PLD1: variants seen among roughly 807,000 people sequenced by gnomAD.
PLD1 encodes the protein phospholipase D1, also known as choline phosphatase 1.
In PLD1, 112 loss-of-function variants were observed where a neutral mutation model predicts 137.1. The observed-to-expected ratio is 0.82, with a 90% CI of 0.70 to 0.96. PLD1 has a LOEUF of 0.96. PLD1 is among the 40% of genes least tolerant of loss of function. The probability of loss-of-function intolerance (pLI) is 0.00; values close to 1 mark genes in which losing one functional copy is unlikely to be tolerated. For synonymous variants in PLD1, 431 were observed against 454.7 expected (o/e 0.95, Z 0.66); for missense variants, 1,321 against 1,342.0 (o/e 0.98, Z 0.24).
intron 8 of PLD1, 56 bp downstream of exon 8, chr3:171,724,640 G>C (rs1718366203): frequency 1.0e-6 from 1 of 972,670 alleles, no homozygotes; most frequent in Non-Finnish European, 1.7e-6. Flanking sequence ...TGTAAAACTA[G>C]CCCAAATACC....
At chr3:171,621,198 A>G (rs1733606804) in intron 23 of PLD1, among the ~76,000 whole-genome samples, 1 of 152,180 alleles carries the variant, frequency 6.6e-6, no homozygotes, top group Non-Finnish European at 1.5e-5. Context: ...GTACTTCAAA[A>G]TATTGCCATC....
chr3:171,729,691 T>G (rs559204181), intron 6 of PLD1, among the ~76,000 whole-genome samples: 39 of 152,342 alleles, frequency 2.6e-4, no homozygotes, highest in African/African-American at 8.7e-4. Flanking sequence ...GGCAAAGGCC[T>G]AAAGTCCTTC....
intron 1 of PLD1, among the ~76,000 whole-genome samples, chr3:171,790,902 T>C (rs2108350599): frequency 1.3e-5 from 2 of 152,332 alleles, no homozygotes; most frequent in Middle Eastern, 6.8e-3. Context: ...CTAACTGATA[T>C]AAGAATTGTT....
chr3:171,699,660 G>C (rs992983267), intron 12 of PLD1, 85 bp downstream of exon 12: 6 of 922,700 alleles, frequency 6.5e-6, no homozygotes, highest in Non-Finnish European at 8.7e-6. Flanking sequence ...AAAGTTATAC[G>C]TGTGAAAGGC....
rs143146948 is a variant in PLD1, at chr3:171,807,171, T to C, written c.-32+3228A>G. On this transcript the variant is annotated intron_variant, in intron 1 of 26. Transcript: ENST00000351298. Reference sequence around the variant, plus strand: ...AAATACAAACAAAACTGGCCAAGGATGGTGATGCGCACCTCTAGTTCCAGC... The same window carrying C: ...AAATACAAACAAAACTGGCCAAGGACGGTGATGCGCACCTCTAGTTCCAGC... 4.8e-3 allele frequency among the ~76,000 whole-genome samples: 726 copies of C among 152,172 alleles called. 6 individuals carry two copies. The highest frequency in any genetic ancestry group is 0.016 in the African/African-American group (671 of 41,508).
At chr3:171,674,993 A>AAG (rs1173767783) in intron 18 of PLD1, among the ~76,000 whole-genome samples, 9 of 151,020 alleles carry the variant, frequency 6.0e-5, no homozygotes, top group Admixed American at 1.3e-4. Context: ...AAAAAAAAAA[A>AAG]AAAAAAGAAA....
intron 23 of PLD1, among the ~76,000 whole-genome samples, chr3:171,629,187 CA>C (rs1218427961): frequency 6.6e-6 from 1 of 151,896 alleles, no homozygotes; most frequent in East Asian, 1.9e-4. Context: ...AATCAATGTA[CA>C]AAAATCACAA....
Position 171,783,898 on chromosome 3 carries a change from T to C in PLD1, c.-32+26501A>G, listed in dbSNP as rs556270743. Among the ~76,000 whole-genome samples, 14 of 152,242 alleles carry C rather than the reference T, an allele frequency of 9.2e-5. No homozygotes were observed. In the East Asian group the frequency reaches 2.7e-3, roughly 29 times the overall value. ...CCTGGCTCAAGTGATCTGCCTGCCT[T>C]AGGCTACCAAAGTGCTGGGATTACA... is the stretch of plus-strand genomic sequence containing the variant. On this transcript the variant is annotated intron_variant, in intron 1 of 26. Coordinates refer to ENST00000351298, the MANE Select transcript of PLD1 (RefSeq NM_002662.5).
intron 1 of PLD1, among the ~76,000 whole-genome samples, chr3:171,788,204 A>AAT (rs1553848389): frequency 1.8e-4 from 26 of 148,232 alleles, no homozygotes; most frequent in African/African-American, 5.2e-4. Context: ...AAAAAAAAAA[A>AAT]AATAATAATA....
intron 9 of PLD1, among the ~76,000 whole-genome samples, chr3:171,712,942 C>T (rs749640602): frequency 2.6e-5 from 4 of 152,102 alleles, no homozygotes; most frequent in Non-Finnish European, 5.9e-5. Flanking sequence ...CACACACAAA[C>T]ATGTAAATCA....
chr3:171,750,647 G>T (rs1720588394), intron 1 of PLD1, among the ~76,000 whole-genome samples: 1 of 152,116 alleles, frequency 6.6e-6, no homozygotes. Flanking sequence ...TTTGAAAGCA[G>T]CCAGAGAAAA....
chr3:171,683,993 C>T (rs189513125), intron 16 of PLD1, among the ~76,000 whole-genome samples: 37 of 152,226 alleles, frequency 2.4e-4, no homozygotes, highest in Non-Finnish European at 2.2e-4. Flanking sequence ...AGGTTGTTCT[C>T]TCTCTCTATC....
intron 11 of PLD1, among the ~76,000 whole-genome samples, chr3:171,700,668 C>G (rs942592636): frequency 6.6e-6 from 1 of 152,200 alleles, no homozygotes; most frequent in Non-Finnish European, 1.5e-5. Context: ...TACACAGACA[C>G]ATGACTTCCT....
rs1371415768 is a variant in PLD1, at chr3:171,692,314, C to T, written c.1338+18G>A. The T allele has an allele frequency of 9.0e-7, 1 of 1,115,704 alleles. No homozygotes were observed. The highest frequency in any genetic ancestry group is 1.8e-5 in the Admixed American group (1 of 56,258). 69.1% of individuals were successfully genotyped at this position (1,115,704 alleles called of 1,614,324 possible). On this transcript the variant is annotated intron_variant, in intron 13 of 26. Coordinates refer to ENST00000351298, the MANE Select transcript of PLD1 (RefSeq NM_002662.5). ...AGAATAATAAAGAAACATTGGTTAT[C>T]AAGATGAACCTGAATACCTTTATGT...
At chr3:171,683,059 T>C (rs1714173148) in intron 16 of PLD1, among the ~76,000 whole-genome samples, 3 of 152,338 alleles carry the variant, frequency 2.0e-5, no homozygotes, top group Admixed American at 6.5e-5. Flanking sequence ...CGAACATATT[T>C]TGATACAGTG....
At position 171,683,615 on chromosome 3, in the gene PLD1, G is replaced by A. The variant is rs552025125; in HGVS notation, c.1867+3070C>T. On this transcript the variant is annotated intron_variant, in intron 16 of 26. Transcript: ENST00000351298. ...CCTCATGAGAGATGTATTCTCCGAT[G>A]AGCCTTTACAAAATAGTAACTCTTC... 2.2e-4 allele frequency among the ~76,000 whole-genome samples: 34 copies of A among 152,246 alleles called. No homozygotes were observed. In the South Asian group the frequency reaches 5.4e-3, roughly 24 times the overall value.
chr3:171,679,773 A>G (rs1260503290), intron 16 of PLD1, among the ~76,000 whole-genome samples: 1 of 152,204 alleles, frequency 6.6e-6, no homozygotes, highest in Non-Finnish European at 1.5e-5. Flanking sequence ...ACTATTCCAC[A>G]TAAATTAGGG....
chr3:171,654,007 TAC>T, intron 21 of PLD1: 1 of 290,808 alleles, frequency 3.4e-6, no homozygotes, highest in South Asian at 2.7e-5. Flanking sequence ...ACCACCCACT[TAC>T]AGGCAAGCAG....
At chr3:171,664,622 TA>T (rs1711896427) in intron 19 of PLD1, among the ~76,000 whole-genome samples, 1 of 107,514 alleles carries the variant, frequency 9.3e-6, no homozygotes, top group South Asian at 2.5e-4. Flanking sequence ...CATGCCCAGC[TA>T]TTTTTTTTTA....
Sources: allele counts gnomAD v4.1 joint callset (sites outside exome capture counted in the v4.1 genomes callset), GRCh38; gene constraint gnomAD v4.1.1; transcripts MANE v1.5; gene names NCBI Gene and HGNC (gene_info 2026-07-23, HGNC 2026-07-21).